The following HOGA1 variants were observed in gnomAD, a reference collection of about 807,000 sequenced individuals.
The protein encoded by HOGA1 is 4-hydroxy-2-oxoglutarate aldolase 1, also known as 4-hydroxy-2-oxoglutarate aldolase, mitochondrial.
A neutral mutation model predicts 34.3 loss-of-function variants in HOGA1; 30 were observed. The ratio of observed to expected loss-of-function variants is 0.87; its 90% CI spans 0.65 to 1.19. The LOEUF is 1.19. HOGA1 is among the 50% of genes most tolerant of loss of function. The pLI is 0.00. For synonymous variants in HOGA1, 161 were observed against 174.0 expected (o/e 0.93, Z 0.59); for missense variants, 417 against 436.5 (o/e 0.96, Z 0.40).
intron 1 of HOGA1, among the ~76,000 whole-genome samples, chr10:97,585,373 TG>T (rs759659931): frequency 6.6e-6 from 1 of 152,300 alleles, no homozygotes; most frequent in East Asian, 1.9e-4. Context: ...TGTGACCCCT[TG>T]GCTCCTGTGA....
At chr10:97,602,027 G>C in intron 6 of HOGA1, 37 bp downstream of exon 6, 1 of 1,589,164 alleles carries the variant, frequency 6.3e-7, no homozygotes, top group Non-Finnish European at 8.6e-7. Context: ...CCTGGCGGGG[G>C]GTGGGCAGTC....
intron 3 of HOGA1, 141 bp from the exon 4 acceptor site, chr10:97,599,539 C>A: frequency 9.4e-7 from 1 of 1,065,226 alleles, no homozygotes; most frequent in Non-Finnish European, 1.4e-6. Context: ...TGCTTACACT[C>A]GGGGCACGTA....
At chr10:97,592,530 G>A (rs932663742) in intron 1 of HOGA1, among the ~76,000 whole-genome samples, 2 of 150,856 alleles carry the variant, frequency 1.3e-5, no homozygotes, top group Non-Finnish European at 3.0e-5. Context: ...GGGAGCCACC[G>A]TGCCCAGCCA....
Position 97,584,831 on chromosome 10 carries a change from C to T in HOGA1, c.128C>T (p.Thr43Ile). ...ATTGCGGGTATCTACCCCCCTGTGACCACCCCCTTCACTGCCACTGCAGAG... is the reference window on the plus strand; with the variant it reads ...ATTGCGGGTATCTACCCCCCTGTGATCACCCCCTTCACTGCCACTGCAGAG... ...VDIAGIYPPV[T>I]TPFTATAEVD... Residue 43 changes from threonine to isoleucine, a missense_variant, in exon 1 of 7, where the codon ACC becomes ATC. Physicochemically the swap from Thr to Ile is moderately conservative, Grantham distance 89. Coordinates refer to ENST00000370646, the MANE Select transcript of HOGA1 (RefSeq NM_138413.4). The T allele has an allele frequency of 6.2e-7, 1 of 1,614,088 alleles. No individual in the cohort carries two copies. The highest frequency in any genetic ancestry group is 8.5e-7 in the Non-Finnish European group (1 of 1,179,980).
intron 1 of HOGA1, among the ~76,000 whole-genome samples, chr10:97,587,349 G>T (rs1383579336): frequency 1.3e-5 from 2 of 152,168 alleles, no homozygotes; most frequent in African/African-American, 4.8e-5. Flanking sequence ...CACTTTGGGA[G>T]GCCAAGGCAG....
At chr10:97,590,371 A>G (rs7093643) in intron 1 of HOGA1, 501,710 of 1,613,734 alleles carry the variant, frequency 0.31, 79,393 homozygotes, top group African/African-American at 0.36. Flanking sequence ...CAGGTCACCT[A>G]GAGTCCAAGG....
At position 97,611,824 on chromosome 10, in the gene HOGA1, C is replaced by T; in HGVS notation, c.*165C>T. ...CCAGGCAGCCTTTCACAGGCACGCCCATGCATATCTCCTATTCTAACGGCC... is the reference window on the plus strand; with the variant it reads ...CCAGGCAGCCTTTCACAGGCACGCCTATGCATATCTCCTATTCTAACGGCC... On this transcript the variant is annotated 3_prime_UTR_variant, in exon 7 of 7. Transcript: ENST00000370646. 1.4e-6 allele frequency: 1 copy of T among 719,446 alleles called. No homozygotes were observed. The highest frequency in any genetic ancestry group is 2.3e-6 in the Non-Finnish European group (1 of 431,246). The allele number at this position is 719,446 out of a possible 1,614,324, so 44.6% of individuals were successfully genotyped here. A position where few individuals can be genotyped will look rare whatever the true frequency, so the allele number is the denominator to read the frequency against.
intron 1 of HOGA1, among the ~76,000 whole-genome samples, chr10:97,585,444 G>A (rs2040962239): frequency 1.3e-5 from 2 of 152,166 alleles, no homozygotes; most frequent in African/African-American, 2.4e-5. Flanking sequence ...CCAACTCTGA[G>A]GTTAGGGACC....
Position 97,612,676 on chromosome 10 carries a change from G to A in HOGA1, c.*1017G>A, listed in dbSNP as rs1455422250. The A allele has an allele frequency of 6.6e-6, 1 of 152,212 alleles. No homozygotes were observed. The highest frequency in any genetic ancestry group is 1.5e-5 in the Non-Finnish European group (1 of 68,044). 9.4% of individuals were successfully genotyped at this position (152,212 alleles called of 1,614,324 possible). On this transcript the variant is annotated 3_prime_UTR_variant, in exon 7 of 7. Transcript: ENST00000370646. ...TGTTACATTCTAGAAGACTATTCTG[G>A]TCAGCCTAGGTCTGAAACACTAAGG...
Position 97,611,859 on chromosome 10 carries a change from T to C in HOGA1, c.*200T>C. ...TCCTATTCTAACGGCCCCTGACCTC[T>C]CCCTTTTGGATCCTAAACTGTGTCT... On this transcript the variant is annotated 3_prime_UTR_variant, in exon 7 of 7. Transcript: ENST00000370646. 3.3e-6 allele frequency: 2 copies of C among 604,682 alleles called. No individual in the cohort carries two copies. The highest frequency in any genetic ancestry group is 5.8e-6 in the Non-Finnish European group (2 of 343,392). 37.5% of individuals were successfully genotyped at this position (604,682 alleles called of 1,614,324 possible).
intron 1 of HOGA1, chr10:97,591,056 C>T (rs1406592719): frequency 6.3e-6 from 1 of 159,558 alleles, no homozygotes; most frequent in African/African-American, 2.4e-5. Context: ...GGCCTTTTCA[C>T]TGGGCCTCAT....
intron 1 of HOGA1, among the ~76,000 whole-genome samples, chr10:97,586,044 G>A (rs2040968380): frequency 6.6e-6 from 1 of 151,910 alleles, no homozygotes; most frequent in Non-Finnish European, 1.5e-5. Flanking sequence ...GACTGAGGCA[G>A]GAGAATCGCT....
At position 97,612,597 on chromosome 10, in the gene HOGA1, G is replaced by A. The variant is rs929049815; in HGVS notation, c.*938G>A. On this transcript the variant is annotated 3_prime_UTR_variant, in exon 7 of 7. Coordinates refer to ENST00000370646, the MANE Select transcript of HOGA1 (RefSeq NM_138413.4). ...CCTTGATTCCAACCATTGAATGCAC[G>A]GAGACAGCCCAGTGGCTTGTCAGAT... is the stretch of plus-strand genomic sequence containing the variant. 4 of 152,250 alleles carry A rather than the reference G, an allele frequency of 2.6e-5. No homozygotes were observed. The highest frequency in any genetic ancestry group is 9.6e-5 in the African/African-American group (4 of 41,532). 9.4% of individuals were successfully genotyped at this position (152,250 alleles called of 1,614,324 possible).
In HOGA1 at chr10:97,611,702, C is replaced by T. The variant is rs1441993539; in HGVS notation, c.*43C>T. 7.5e-6 allele frequency: 12 copies of T among 1,592,228 alleles called. No homozygotes were observed. In the African/African-American group the frequency reaches 1.5e-4, roughly 20 times the overall value. ...GGCTGGCCTGAGCCCATCTCAGCCT[C>T]CTGCCTTGCACTTGCAGCCTGAAGC... is the stretch of plus-strand genomic sequence containing the variant. On this transcript the variant is annotated 3_prime_UTR_variant, in exon 7 of 7. Coordinates refer to ENST00000370646, the MANE Select transcript of HOGA1 (RefSeq NM_138413.4).
chr10:97,593,029 C>CAAAAAAAA (rs1169191059), intron 1 of HOGA1, among the ~76,000 whole-genome samples: 2,366 of 47,690 alleles, frequency 0.05, 217 homozygotes, highest in African/African-American at 0.1. Context: ...GACTCTGTCT[C>CAAAAAAAA]AAAAAAAAAA....
chr10:97,590,351 T>C, intron 1 of HOGA1: 1 of 1,613,982 alleles, frequency 6.2e-7, no homozygotes, highest in Non-Finnish European at 8.5e-7. Context: ...GGCCATAGCT[T>C]ACCAGCACTC....
chr10:97,608,159 A>C (rs1338841567), intron 6 of HOGA1, among the ~76,000 whole-genome samples: 5 of 152,124 alleles, frequency 3.3e-5, no homozygotes, highest in African/African-American at 1.2e-4. Context: ...AAAATAAATG[A>C]AAATTAGCCA....
Position 97,600,230 on chromosome 10 carries a change from G to A in HOGA1, c.700+67G>A, listed in dbSNP as rs2297643. 0.16 allele frequency: 210,020 copies of A among 1,324,786 alleles called. 17,542 individuals carry two copies. The highest frequency in any genetic ancestry group is 0.23 in the South Asian group (20,006 of 85,318). The allele number at this position is 1,324,786 out of a possible 1,614,324, so 82.1% of individuals were successfully genotyped here. A position where few individuals can be genotyped will look rare whatever the true frequency, so the allele number is the denominator to read the frequency against. On this transcript the variant is annotated intron_variant, in intron 5 of 6. Coordinates refer to ENST00000370646, the MANE Select transcript of HOGA1 (RefSeq NM_138413.4). The stretch of plus-strand genomic sequence containing the variant: ...AGATACCCAGGTACCTGGGTCTTCC[G>A]GGAGAGATCGTGAGGGCTGGGGCTG...
intron 2 of HOGA1, 35 bp from the exon 3 acceptor site, chr10:97,599,054 T>C: frequency 6.2e-7 from 1 of 1,610,458 alleles, no homozygotes; most frequent in Non-Finnish European, 8.5e-7. Context: ...CAGGCCTCCT[T>C]CTGCCTGCTC....
Sources: allele counts gnomAD v4.1 joint callset (sites outside exome capture counted in the v4.1 genomes callset), GRCh38; gene constraint gnomAD v4.1.1; transcripts MANE v1.5; gene names NCBI Gene and HGNC (gene_info 2026-07-23, HGNC 2026-07-21).